EBAG9: variants seen among roughly 807,000 people sequenced by gnomAD.
EBAG9 encodes receptor-binding cancer antigen expressed on SiSo cells.
A neutral mutation model predicts 30.9 loss-of-function variants in EBAG9; 16 were observed. That is an observed-to-expected ratio of 0.52 (90% CI 0.35 to 0.79). The LOEUF (loss-of-function observed/expected upper bound fraction) is 0.79. Ranked by LOEUF, EBAG9 falls within the 30% of genes least tolerant of loss-of-function variation. The pLI is 0.01. For synonymous variants in EBAG9, 93 were observed against 82.8 expected (o/e 1.12, Z -0.67); for missense variants, 197 against 242.1 (o/e 0.81, Z 1.24).
intron 1 of EBAG9, among the ~76,000 whole-genome samples, chr8:109,544,499 G>A (rs1262058373): frequency 6.6e-6 from 1 of 152,184 alleles, no homozygotes; most frequent in Non-Finnish European, 1.5e-5. Context: ...TAACTTCAGT[G>A]TATCTTAGTT....
chr8:109,551,121 TAC>T (rs1250010704), intron 2 of EBAG9, among the ~76,000 whole-genome samples: 1 of 152,100 alleles, frequency 6.6e-6, no homozygotes, highest in Non-Finnish European at 1.5e-5. Flanking sequence ...TTCAAATTCT[TAC>T]ACTTTCCACT....
In EBAG9 at chr8:109,552,213, A is replaced by G. The variant is rs575388048; in HGVS notation, c.83+1306A>G. On this transcript the variant is annotated intron_variant, in intron 2 of 6. Coordinates refer to ENST00000337573, the MANE Select transcript of EBAG9 (RefSeq NM_004215.5). The stretch of plus-strand genomic sequence containing the variant: ...CAGTCTCTGGCTATATGACCATTTG[A>G]TAGCTGCTAAATTGAACTTATTGCT... 4.0e-5 allele frequency among the ~76,000 whole-genome samples: 6 copies of G among 151,896 alleles called. No homozygotes were observed. In the South Asian group the frequency reaches 1.2e-3, roughly 32 times the overall value.
chr8:109,543,333 A>G (rs1335575375), intron 1 of EBAG9, among the ~76,000 whole-genome samples: 1 of 151,918 alleles, frequency 6.6e-6, no homozygotes, highest in Non-Finnish European at 1.5e-5. Flanking sequence ...AATAGCCTAC[A>G]AGCCCCTTCT....
At chr8:109,563,080 G>A (rs1375220648) in intron 6 of EBAG9, among the ~76,000 whole-genome samples, 1 of 151,912 alleles carries the variant, frequency 6.6e-6, no homozygotes, top group African/African-American at 2.4e-5. Context: ...TTGAACATCA[G>A]CAGAGTGATG....
rs1298098184 is a variant in EBAG9, at chr8:109,565,664, AG to A, written c.*1106del. The A allele has an allele frequency of 6.6e-6, 1 of 152,072 alleles. No individual in the cohort carries two copies. The highest frequency in any genetic ancestry group is 1.5e-5 in the Non-Finnish European group (1 of 67,960). 9.4% of individuals were successfully genotyped at this position (152,072 alleles called of 1,614,324 possible). ...TTTTCACCGCAGTTGAAATGCATCC[AG>A]CCTGATTTTCCTATCATTTTGGAAT... On this transcript the variant is annotated 3_prime_UTR_variant, in exon 7 of 7. Transcript: ENST00000337573.
In EBAG9 at chr8:109,564,598, C is replaced by G. The variant is rs1169171364; in HGVS notation, c.*39C>G. The G allele has an allele frequency of 1.9e-6, 3 of 1,606,706 alleles. No individual in the cohort carries two copies. The African/African-American group carries it at 4.0e-5, about 22-fold the overall frequency. ...TTTATCATGCCAGTAGGAGAAATCT[C>G]AGCTCCACAACCCAAGCAACATTTG... is the stretch of plus-strand genomic sequence containing the variant. On this transcript the variant is annotated 3_prime_UTR_variant, in exon 7 of 7. Transcript: ENST00000337573.
Position 109,558,888 on chromosome 8 carries a change from G to T in EBAG9, c.429+1846G>T, listed in dbSNP as rs553214013. ...TTATACTTTTTTAGTTTGTTAATTGGTTTGGATATTTTTGTTGGGCAGGTG... is the reference window on the plus strand; with the variant it reads ...TTATACTTTTTTAGTTTGTTAATTGTTTTGGATATTTTTGTTGGGCAGGTG... On this transcript the variant is annotated intron_variant, in intron 5 of 6. Coordinates refer to ENST00000337573, the MANE Select transcript of EBAG9 (RefSeq NM_004215.5). 3.9e-5 allele frequency among the ~76,000 whole-genome samples: 6 copies of T among 151,964 alleles called. 1 individual carries two copies. The highest frequency in any genetic ancestry group is 2.6e-4 in the Admixed American group (4 of 15,236).
At chr8:109,563,333 G>A in intron 6 of EBAG9, 1 of 1,562,936 alleles carries the variant, frequency 6.4e-7, no homozygotes, top group Non-Finnish European at 8.6e-7. Context: ...GCCCAATTGT[G>A]ACCTGTAGCT....
In EBAG9 at chr8:109,540,364, C is replaced by CTCAGTTCATCTAAGTTGCT. The variant is rs1172490645; in HGVS notation, c.-113_-112insTCAGTTCATCTAAGTTGCT. The CTCAGTTCATCTAAGTTGCT allele has an allele frequency of 6.6e-6, 1 of 152,240 alleles. No homozygotes were observed. Among genetic ancestry groups the CTCAGTTCATCTAAGTTGCT allele is most frequent in the Non-Finnish European group, 1.5e-5 (1 of 68,084 alleles). 9.4% of individuals were successfully genotyped at this position (152,240 alleles called of 1,614,324 possible). ...ATTTAAATCTCAGTTCACCTGGTAT[C>CTCAGTTCATCTAAGTTGCT]CAGCTCCAGCAACTTAGAGCGTTTC... On this transcript the variant is annotated 5_prime_UTR_variant, in exon 1 of 7. An upstream open reading frame in the 5' UTR gains an earlier in-frame stop. Coordinates refer to ENST00000337573, the MANE Select transcript of EBAG9 (RefSeq NM_004215.5).
At chr8:109,563,410 G>A (rs1563658641) in intron 6 of EBAG9, 27 of 1,597,102 alleles carry the variant, frequency 1.7e-5, no homozygotes, top group Non-Finnish European at 2.2e-5. Flanking sequence ...CAGGACCAAT[G>A]TATGTTTACT....
rs1304805063 is a variant in EBAG9 at position 109,557,021 on chromosome 8, T to G, written c.408T>G (p.Asp136Glu). The G allele has an allele frequency of 3.7e-6, 6 of 1,606,538 alleles. No individual in the cohort carries two copies. The highest frequency in any genetic ancestry group is 1.7e-5 in the Admixed American group (1 of 59,364). Reference protein sequence around the residue: ...GFSSRLAATQDLPFIHQSSEL... With the variant: ...GFSSRLAATQELPFIHQSSEL... ...CTAGTAGATTAGCAGCTACACAAGA[T>G]CTGCCTTTTATTCATCAGTCTGTAA... The change falls in exon 5 of 7, where the codon GAT (aspartate) becomes GAG (glutamate). Residue 136 changes from aspartate (D) to glutamate (E), a missense_variant. By Grantham distance (45) the Asp-to-Glu change is conservative (BLOSUM62 2). Coordinates refer to ENST00000337573, the MANE Select transcript of EBAG9 (RefSeq NM_004215.5).
intron 3 of EBAG9, among the ~76,000 whole-genome samples, chr8:109,554,451 T>G (rs1005527112): frequency 6.6e-6 from 1 of 152,182 alleles, no homozygotes; most frequent in African/African-American, 2.4e-5. Flanking sequence ...GTAGTTTTAA[T>G]GTCAGTTCAG....
intron 1 of EBAG9, among the ~76,000 whole-genome samples, chr8:109,547,611 G>A (rs905095768): frequency 1.3e-5 from 2 of 151,812 alleles, no homozygotes; most frequent in African/African-American, 4.8e-5. Context: ...CTCCTGAGTA[G>A]CTGGGACTAC....
Position 109,554,651 on chromosome 8 carries a change from A to AT in EBAG9, c.163-73dup. The AT allele has an allele frequency of 4.2e-6, 6 of 1,440,096 alleles. No individual in the cohort carries two copies. In the East Asian group the frequency reaches 1.1e-4, roughly 28 times the overall value. The allele number at this position is 1,440,096 out of a possible 1,614,324, so 89.2% of individuals were successfully genotyped here. ...TGAAAACCAGTGTTTTAGAAAGCCC[A>AT]TTTTTCTAATAAATCATCAATGATG... is the stretch of plus-strand genomic sequence containing the variant. On this transcript the variant is annotated intron_variant, in intron 3 of 6. Transcript: ENST00000337573.
At position 109,564,430 on chromosome 8, in the gene EBAG9, T is replaced by G; in HGVS notation, c.522-9T>G. ...TATTTTCTAAAAGTAAAAGTATGTT[T>G]CTTTTCAGACAGCAGAAACTAGCAG... On this transcript the variant is annotated splice_polypyrimidine_tract_variant and intron_variant, in intron 6 of 6. Coordinates refer to ENST00000337573, the MANE Select transcript of EBAG9 (RefSeq NM_004215.5). 1 of 1,610,194 alleles carries G rather than the reference T, an allele frequency of 6.2e-7. No individual in the cohort carries two copies. Among genetic ancestry groups the G allele is most frequent in the Non-Finnish European group, 8.5e-7 (1 of 1,178,128 alleles).
In EBAG9 at chr8:109,556,921, AATTAATCTTTC is replaced by A; in HGVS notation, c.322-12_322-2del. On this transcript the variant is annotated splice_region_variant and splice_polypyrimidine_tract_variant and intron_variant, in intron 4 of 6. Transcript: ENST00000337573. ...TAAAAGATCCCTATAATTCTTTTTC[AATTAATCTTTC>A]AGATTGTTATTAAGAAGAGAGAACC... 2 of 1,489,626 alleles carry A rather than the reference AATTAATCTTTC, an allele frequency of 1.3e-6. No individual in the cohort carries two copies. The highest frequency in any genetic ancestry group is 1.8e-6 in the Non-Finnish European group (2 of 1,091,138). The allele number at this position is 1,489,626 out of a possible 1,614,324, so 92.3% of individuals were successfully genotyped here. A position where few individuals can be genotyped will look rare whatever the true frequency, so the allele number is the denominator to read the frequency against.
chr8:109,563,328 A>G (rs560208248), intron 6 of EBAG9: 52 of 1,557,218 alleles, frequency 3.3e-5, no homozygotes, highest in African/African-American at 1.4e-4. Flanking sequence ...TCCATGCCCA[A>G]TTGTGACCTG....
intron 3 of EBAG9, 63 bp from the exon 4 acceptor site, chr8:109,554,666 C>T: frequency 6.7e-7 from 1 of 1,481,562 alleles, no homozygotes; most frequent in Non-Finnish European, 9.1e-7. Context: ...TCTAATAAAT[C>T]ATCAATGATG....
chr8:109,553,808 C>T (rs1821541090), intron 2 of EBAG9, 57 bp from the exon 3 acceptor site: 2 of 1,387,414 alleles, frequency 1.4e-6, no homozygotes, highest in African/African-American at 1.5e-5. Context: ...CATAATAGTG[C>T]TTTTACTTTG....
Sources: allele counts gnomAD v4.1 joint callset (sites outside exome capture counted in the v4.1 genomes callset), GRCh38; gene constraint gnomAD v4.1.1; transcripts MANE v1.5; gene names NCBI Gene and HGNC (gene_info 2026-07-23, HGNC 2026-07-21).